The following PHLDB2 variants were observed in gnomAD, a reference collection of about 807,000 sequenced individuals.
PHLDB2 encodes pleckstrin homology like domain family B member 2, also known as pleckstrin homology-like domain family B member 2.
In PHLDB2, 71 loss-of-function variants were observed where a neutral mutation model predicts 123.6. That is an observed-to-expected ratio of 0.57 (90% CI 0.47 to 0.70). PHLDB2 has a LOEUF of 0.70. Ranked by LOEUF, PHLDB2 falls within the 30% of genes least tolerant of loss-of-function variation. The pLI is 0.00. For synonymous variants in PHLDB2, 547 were observed against 541.6 expected (o/e 1.01, Z -0.14); for missense variants, 1,446 against 1,519.5 (o/e 0.95, Z 0.80).
chr3:111,789,187 A>G (rs2060812083), intron 1 of PHLDB2, among the ~76,000 whole-genome samples: 1 of 152,214 alleles, frequency 6.6e-6, no homozygotes, highest in Non-Finnish European at 1.5e-5. Flanking sequence ...GCTAAACAAC[A>G]AATTATGCCT....
chr3:111,968,180 C>A (rs1330879765), intron 15 of PHLDB2, among the ~76,000 whole-genome samples: 1 of 152,090 alleles, frequency 6.6e-6, no homozygotes, highest in Non-Finnish European at 1.5e-5. Context: ...CTGCTGAAAA[C>A]AAATACAACA....
intron 1 of PHLDB2, among the ~76,000 whole-genome samples, chr3:111,755,934 T>C (rs959158395): frequency 2.6e-5 from 4 of 151,360 alleles, no homozygotes; most frequent in African/African-American, 9.7e-5. Flanking sequence ...AGGAGCAGGT[T>C]GTTCAGTTTC....
chr3:111,752,304 A>C (rs906783088), intron 1 of PHLDB2, among the ~76,000 whole-genome samples: 2 of 151,960 alleles, frequency 1.3e-5, no homozygotes, highest in Non-Finnish European at 2.9e-5. Context: ...ATATCCTACT[A>C]AACTCTAAAA....
intron 1 of PHLDB2, among the ~76,000 whole-genome samples, chr3:111,830,957 G>GAAAT (rs781241810): frequency 3.6e-5 from 1 of 27,434 alleles, no homozygotes; most frequent in Non-Finnish European, 7.1e-5. Context: ...GAAAGAAAGA[G>GAAAT]AAAGAAAGAA....
In PHLDB2 at chr3:111,939,514, G is replaced by C; in HGVS notation, c.2170G>C (p.Asp724His). ...GGATGTTGAAAGCAAACACTTTGAAGACCTGGAGTTCCAGCAGCTTGAACA... is the reference window on the plus strand; with the variant it reads ...GGATGTTGAAAGCAAACACTTTGAACACCTGGAGTTCCAGCAGCTTGAACA... ...LLDVESKHFE[D>H]LEFQQLEHES... The change falls in exon 7 of 18, where the codon GAC becomes CAC. Residue 724 changes from aspartate to histidine, a missense_variant. Asp to His is a moderately conservative substitution (Grantham distance 81). This residue lies in a region of PHLDB2 where 20 missense variants were observed against 41.6 expected (regional missense o/e 0.48). Transcript: ENST00000431670. 1 of 1,613,550 alleles carries C rather than the reference G, an allele frequency of 6.2e-7. No individual in the cohort carries two copies.
intron 16 of PHLDB2, among the ~76,000 whole-genome samples, chr3:111,970,218 TTTTA>T (rs1280617243): frequency 6.6e-6 from 1 of 152,208 alleles, no homozygotes; most frequent in East Asian, 1.9e-4. Flanking sequence ...AAATATTTCC[TTTTA>T]TTTGTTTTTC....
At chr3:111,799,221 T>G (rs1276498971) in intron 1 of PHLDB2, among the ~76,000 whole-genome samples, 1 of 152,070 alleles carries the variant, frequency 6.6e-6, no homozygotes, top group Non-Finnish European at 1.5e-5. Context: ...GAGATTTGGG[T>G]GGGGACACAG....
intron 1 of PHLDB2, among the ~76,000 whole-genome samples, chr3:111,828,996 C>T (rs763094677): frequency 1.3e-5 from 2 of 152,118 alleles, no homozygotes; most frequent in Non-Finnish European, 2.9e-5. Context: ...GGAATATAGA[C>T]GCTTGTTAGA....
intron 12 of PHLDB2, among the ~76,000 whole-genome samples, chr3:111,959,017 G>A (rs2071222256): frequency 6.6e-6 from 1 of 152,240 alleles, no homozygotes; most frequent in Non-Finnish European, 1.5e-5. Context: ...TCCTGATAAA[G>A]CTTCAATGAG....
intron 1 of PHLDB2, among the ~76,000 whole-genome samples, chr3:111,868,546 A>T (rs73228530): frequency 0.1 from 15,550 of 151,094 alleles, 1,038 homozygotes; most frequent in Non-Finnish European, 0.14. Flanking sequence ...TCTTTTTTTT[A>T]AAAAAAATAT....
intron 1 of PHLDB2, among the ~76,000 whole-genome samples, chr3:111,805,106 G>C: frequency 6.6e-6 from 1 of 151,932 alleles, no homozygotes; most frequent in East Asian, 1.9e-4. Context: ...CGTGTGCCTT[G>C]TTACCCAACA....
At position 111,919,230 on chromosome 3, in the gene PHLDB2, C is replaced by A; in HGVS notation, c.1863+15C>A. 6.2e-7 allele frequency: 1 copy of A among 1,612,530 alleles called. No individual in the cohort carries two copies. Among genetic ancestry groups the A allele is most frequent in the South Asian group, 1.1e-5 (1 of 90,974 alleles). On this transcript the variant is annotated intron_variant, in intron 4 of 17. Coordinates refer to ENST00000431670, the MANE Select transcript of PHLDB2 (RefSeq NM_001134438.2). The stretch of plus-strand genomic sequence containing the variant: ...CTTTCAGAGAGGTAAACTTTTTACC[C>A]TCTTCCCTTTTTTCTTTCTTTCCTT...
At chr3:111,951,318 G>A (rs9834695) in intron 10 of PHLDB2, among the ~76,000 whole-genome samples, 20,961 of 152,068 alleles carry the variant, frequency 0.14, 1,715 homozygotes, top group South Asian at 0.24. Flanking sequence ...GATAGTAATA[G>A]TACCTACCTC....
chr3:111,814,782 C>T (rs922801430), intron 1 of PHLDB2, among the ~76,000 whole-genome samples: 4 of 152,010 alleles, frequency 2.6e-5, no homozygotes, highest in Admixed American at 1.3e-4. Context: ...GAGGGAAACC[C>T]GAGGAACATC....
chr3:111,756,213 A>G (rs2059886165), intron 1 of PHLDB2, among the ~76,000 whole-genome samples: 1 of 151,500 alleles, frequency 6.6e-6, no homozygotes, highest in Non-Finnish European at 1.5e-5. Context: ...TATCCTTGTT[A>G]ACTTTCTGTC....
chr3:111,845,987 C>G, intron 2 of PHLDB2: 1 of 1,552,738 alleles, frequency 6.4e-7, no homozygotes, highest in Non-Finnish European at 8.9e-7. Context: ...AGTTCTTACT[C>G]CATCATACAT....
intron 1 of PHLDB2, among the ~76,000 whole-genome samples, chr3:111,838,676 T>G: frequency 6.6e-6 from 1 of 152,164 alleles, no homozygotes; most frequent in East Asian, 1.9e-4. Context: ...AACAGAACTT[T>G]GAGGCAGAGT....
intron 1 of PHLDB2, among the ~76,000 whole-genome samples, chr3:111,772,819 T>C (rs969817829): frequency 2.0e-5 from 3 of 151,656 alleles, no homozygotes; most frequent in Non-Finnish European, 2.9e-5. Flanking sequence ...AAACACCTCA[T>C]AGAGCCCATC....
At chr3:111,883,449 G>A (rs1381834332) in intron 1 of PHLDB2, among the ~76,000 whole-genome samples, 1 of 152,150 alleles carries the variant, frequency 6.6e-6, no homozygotes, top group Non-Finnish European at 1.5e-5. Context: ...TCAATAATTG[G>A]TGGAATACCC....
Sources: gnomAD v4.1 joint callset for allele counts (sites outside exome capture counted in the v4.1 genomes callset) on GRCh38, gnomAD v4.1.1 for gene constraint, gnomAD v4.1.1 regional missense constraint, MANE v1.5 for transcripts, NCBI Gene and HGNC (gene_info 2026-07-23, HGNC 2026-07-21) for gene names.